The following ZFPM2 variants were observed in gnomAD, a reference collection of about 807,000 sequenced individuals.
ZFPM2 encodes zinc finger protein, FOG family member 2.
ZFPM2 carries 20 observed loss-of-function variants against 98.6 expected under a neutral mutation model. That is an observed-to-expected ratio of 0.20 (90% CI 0.14 to 0.29). The LOEUF (loss-of-function observed/expected upper bound fraction) is 0.29. Among genes scored for constraint, ZFPM2 ranks in the 10% least tolerant of loss-of-function variants. The pLI is 1.00. For synonymous variants in ZFPM2, 518 were observed against 502.7 expected, an observed-to-expected ratio of 1.03 and a Z score of -0.41; for missense variants, 1,310 against 1,388.6, an observed-to-expected ratio of 0.94 and a Z score of 0.90.
At chr8:105,378,606 A>T (rs145171634) in intron 1 of ZFPM2, among the ~76,000 whole-genome samples, 289 of 152,348 alleles carry the variant, frequency 1.9e-3, no homozygotes, top group Non-Finnish European at 3.3e-3. Flanking sequence ...ATGAATAAAT[A>T]GCAGACAAGG....
At chr8:105,598,875 A>G (rs1237700906) in intron 4 of ZFPM2, among the ~76,000 whole-genome samples, 1 of 152,176 alleles carries the variant, frequency 6.6e-6, no homozygotes, top group East Asian at 1.9e-4. Flanking sequence ...CCACTAATGC[A>G]TTCTGCACAG....
chr8:105,364,749 G>C (rs1810476231), intron 1 of ZFPM2, among the ~76,000 whole-genome samples: 1 of 151,822 alleles, frequency 6.6e-6, no homozygotes, highest in Admixed American at 6.6e-5. Context: ...AAAGTCCTCA[G>C]ATCAACAAAT....
In ZFPM2 at chr8:105,801,937, C is replaced by A; in HGVS notation, c.1855C>A (p.Pro619Thr). The change falls in exon 8 of 8, where the codon CCA becomes ACA. Residue 619 changes from proline (P) to threonine (T), a missense_variant. Coordinates refer to ENST00000407775, the MANE Select transcript of ZFPM2 (RefSeq NM_012082.4). ...PAAHSADPENPLLQTSCINSS... is the reference protein window; with the variant it reads ...PAAHSADPENTLLQTSCINSS... ...TGCTCATTCTGCTGATCCTGAGAAT[C>A]CACTTCTTCAAACATCTTGCATCAA... 2 of 1,613,916 alleles carry A rather than the reference C, an allele frequency of 1.2e-6. No individual in the cohort carries two copies. Among genetic ancestry groups the A allele is most frequent in the Non-Finnish European group, 1.7e-6 (2 of 1,179,866 alleles).
At chr8:105,442,953 A>C (rs76589112) in intron 2 of ZFPM2, among the ~76,000 whole-genome samples, 2,405 of 152,004 alleles carry the variant, frequency 0.016, 58 homozygotes, top group African/African-American at 0.055. Context: ...GAGTTGGGAA[A>C]CTGGAAAATA....
chr8:105,427,470 T>C (rs964302352), intron 2 of ZFPM2, among the ~76,000 whole-genome samples: 1 of 152,344 alleles, frequency 6.6e-6, no homozygotes, highest in African/African-American at 2.4e-5. Context: ...AAGATATTTT[T>C]GAGGCATGTT....
At chr8:105,620,455 G>A (rs1816515038) in intron 4 of ZFPM2, among the ~76,000 whole-genome samples, 1 of 152,148 alleles carries the variant, frequency 6.6e-6, no homozygotes, top group Admixed American at 6.5e-5. Context: ...TGGGCAGATT[G>A]TAAAAATGTT....
chr8:105,783,209 G>GGTTTTTTTTTTT (rs1813305175), intron 5 of ZFPM2, among the ~76,000 whole-genome samples: 1 of 121,102 alleles, frequency 8.3e-6, no homozygotes, highest in East Asian at 2.5e-4. Flanking sequence ...GTTTCTTTAT[G>GGTTTTTTTTTTT]GTTTTTTTTT....
chr8:105,612,509 T>C (rs1816327605), intron 4 of ZFPM2, among the ~76,000 whole-genome samples: 1 of 152,204 alleles, frequency 6.6e-6, no homozygotes, highest in Non-Finnish European at 1.5e-5. Context: ...TTAGAGTCTA[T>C]TTATAACTAG....
At chr8:105,501,497 C>CT (rs59508731) in intron 3 of ZFPM2, among the ~76,000 whole-genome samples, 136 of 141,032 alleles carry the variant, frequency 9.6e-4, no homozygotes, top group Middle Eastern at 4.0e-3. Flanking sequence ...ATTTACTTTT[C>CT]TTTTTTTTTT....
chr8:105,669,102 A>G (rs535148843), intron 5 of ZFPM2, among the ~76,000 whole-genome samples: 2 of 152,218 alleles, frequency 1.3e-5, no homozygotes, highest in Admixed American at 6.5e-5. Context: ...CTATGTTAGT[A>G]TATATCTTAT....
intron 3 of ZFPM2, among the ~76,000 whole-genome samples, chr8:105,524,658 T>A (rs1814134188): frequency 6.6e-6 from 1 of 152,110 alleles, no homozygotes; most frequent in South Asian, 2.1e-4. Flanking sequence ...TCCACATCAG[T>A]TTTAGATGGT....
intron 4 of ZFPM2, among the ~76,000 whole-genome samples, chr8:105,599,320 C>A (rs1816041327): frequency 6.6e-6 from 1 of 150,594 alleles, no homozygotes; most frequent in Non-Finnish European, 1.5e-5. Context: ...AGTTTGCCTG[C>A]AGTTTCCTAG....
intron 5 of ZFPM2, among the ~76,000 whole-genome samples, chr8:105,692,382 G>C (rs1466800675): frequency 6.6e-6 from 1 of 152,138 alleles, no homozygotes; most frequent in Non-Finnish European, 1.5e-5. Flanking sequence ...TCTATATGTA[G>C]GGGGTGCAAA....
chr8:105,745,169 CT>C (rs1264312335), intron 5 of ZFPM2, among the ~76,000 whole-genome samples: 2 of 152,092 alleles, frequency 1.3e-5, no homozygotes, highest in Non-Finnish European at 2.9e-5. Flanking sequence ...CTATAGTGTC[CT>C]TCCATACAGA....
chr8:105,458,753 A>G (rs1165789805), intron 3 of ZFPM2, among the ~76,000 whole-genome samples: 2 of 152,182 alleles, frequency 1.3e-5, no homozygotes, highest in East Asian at 3.8e-4. Context: ...AAGAAAAGAA[A>G]AAAGAGAAGC....
chr8:105,356,210 G>A (rs148679916), intron 1 of ZFPM2, among the ~76,000 whole-genome samples: 1 of 152,180 alleles, frequency 6.6e-6, no homozygotes, highest in South Asian at 2.1e-4. Flanking sequence ...GTTCGAGAGA[G>A]TACAGTGATT....
At chr8:105,512,360 A>G (rs995360719) in intron 3 of ZFPM2, among the ~76,000 whole-genome samples, 1 of 152,200 alleles carries the variant, frequency 6.6e-6, no homozygotes, top group Non-Finnish European at 1.5e-5. Context: ...CTTCTATGAA[A>G]TGGGAATGAT....
chr8:105,384,522 G>T (rs1810947334), intron 1 of ZFPM2, among the ~76,000 whole-genome samples: 1 of 151,978 alleles, frequency 6.6e-6, no homozygotes, highest in African/African-American at 2.4e-5. Flanking sequence ...AAATCAGTAA[G>T]ACCACAGAGA....
Position 105,803,379 on chromosome 8 carries a change from A to G in ZFPM2, c.3297A>G (p.Glu1099=), listed in dbSNP as rs771635614. 2 of 1,613,538 alleles carry G rather than the reference A, an allele frequency of 1.2e-6. No homozygotes were observed. The highest frequency in any genetic ancestry group is 1.1e-5 in the South Asian group (1 of 91,030). ...NVSPGIPSAE[E]QLSSIAKGVN... ...CACCAGGAATTCCCTCAGCAGAGGA[A>G]CAGTTGTCTAGTATAGCAAAAGGTG... is the stretch of plus-strand genomic sequence containing the variant. Residue 1099 remains glutamate, a synonymous_variant, in exon 8 of 8, where the codon GAA becomes GAG. Coordinates refer to ENST00000407775, the MANE Select transcript of ZFPM2 (RefSeq NM_012082.4).
Sources: gnomAD v4.1 joint callset for allele counts (sites outside exome capture counted in the v4.1 genomes callset) on GRCh38, gnomAD v4.1.1 for gene constraint, MANE v1.5 for transcripts, NCBI Gene and HGNC (gene_info 2026-07-23, HGNC 2026-07-21) for gene names.